JMJD1C: variants seen among roughly 807,000 people sequenced by gnomAD.
The protein encoded by JMJD1C is jumonji domain containing 1C.
Under a neutral mutation model 245.3 loss-of-function variants are expected in JMJD1C, and 31 were observed. The observed-to-expected ratio is 0.13, with a 90% CI of 0.09 to 0.17. The LOEUF is 0.17. Ranked by LOEUF, JMJD1C falls within the 10% of genes least tolerant of loss-of-function variation. The pLI is 1.00. For missense variants in JMJD1C, 2,691 were observed against 3,000.2 expected (o/e 0.90, Z 2.41); for synonymous variants, 1,057 against 1,017.4 (o/e 1.04, Z -0.74).
chr10:63,514,256 C>T (rs192959116), intron 1 of JMJD1C, among the ~76,000 whole-genome samples: 231 of 152,246 alleles, frequency 1.5e-3, no homozygotes, highest in Non-Finnish European at 1.0e-3. Context: ...AACTACCACT[C>T]GACCCAGCAA....
Position 63,268,484 on chromosome 10 carries a change from A to G in JMJD1C, c.334-3720T>C, listed in dbSNP as rs1047323289. Reference sequence around the variant, plus strand: ...TCGTTTTTTAACATTTACAGTTATTAAATTACTACAAACACAATAAACCTT... The same window carrying G: ...TCGTTTTTTAACATTTACAGTTATTGAATTACTACAAACACAATAAACCTT... On this transcript the variant is annotated intron_variant, in intron 2 of 25. Coordinates refer to ENST00000399262, the MANE Select transcript of JMJD1C (RefSeq NM_032776.3). Among the ~76,000 whole-genome samples, 10 of 152,332 alleles carry G rather than the reference A, an allele frequency of 6.6e-5. No individual in the cohort carries two copies. In the East Asian group the frequency reaches 1.5e-3, roughly 24 times the overall value.
rs1000625278 is a variant in JMJD1C, at chr10:63,202,886, T to A, written c.5075-2209A>T. On this transcript the variant is annotated intron_variant, in intron 10 of 25. Coordinates refer to ENST00000399262, the MANE Select transcript of JMJD1C (RefSeq NM_032776.3). ...CACTTGCTTCTAATCATCTATTTAC[T>A]TTTCAATTTATTACACTAGAATAAA... 1.1e-5 allele frequency: 11 copies of A among 977,834 alleles called. No homozygotes were observed. In the South Asian group the frequency reaches 5.2e-4, roughly 46 times the overall value. 60.6% of individuals were successfully genotyped at this position (977,834 alleles called of 1,614,324 possible).
chr10:63,201,892 T>C (rs564137831), intron 10 of JMJD1C, among the ~76,000 whole-genome samples: 12 of 149,160 alleles, frequency 8.0e-5, no homozygotes, highest in African/African-American at 2.7e-4. Context: ...ATTGCGCCAC[T>C]GCACTCCAGC....
At chr10:63,237,781 C>CT (rs1421746933) in intron 3 of JMJD1C, among the ~76,000 whole-genome samples, 1 of 152,012 alleles carries the variant, frequency 6.6e-6, no homozygotes, top group East Asian at 1.9e-4. Context: ...TGAGCACTTC[C>CT]TTTGAGTGTT....
chr10:63,213,636 A>C lies in JMJD1C; in HGVS notation c.2531T>G (p.Leu844Arg). Residue 844 changes from leucine (L) to arginine (R), a missense_variant, in exon 8 of 26, where the codon CTT becomes CGT. By Grantham distance (102) the Leu-to-Arg change is moderately radical. This residue lies in a region of JMJD1C where 1,562 missense variants were observed against 1,490.7 expected (regional missense o/e 1.05). Transcript: ENST00000399262. ...AGCAGAAGGATGGGCTTGTCCAAGA[A>C]GATGAGGTGACTGGTGCTGTAACAA... ...QQLLQHQSPH[L>R]LGQAHPSASY... is the part of the protein sequence containing the mutation. 6.2e-7 allele frequency: 1 copy of C among 1,614,236 alleles called. No individual in the cohort carries two copies. The highest frequency in any genetic ancestry group is 8.5e-7 in the Non-Finnish European group (1 of 1,180,016).
chr10:63,380,354 C>T lies in JMJD1C; in HGVS notation c.297G>A (p.Gln99=). 1.9e-6 allele frequency: 3 copies of T among 1,613,990 alleles called. No homozygotes were observed. The highest frequency in any genetic ancestry group is 1.7e-6 in the Non-Finnish European group (2 of 1,179,964). Residue 99 remains glutamine, a synonymous_variant, in exon 2 of 26, where the codon CAG becomes CAA. Coordinates refer to ENST00000399262, the MANE Select transcript of JMJD1C (RefSeq NM_032776.3). The stretch of plus-strand genomic sequence containing the variant: ...ACTGAATCTGTTTGCTCTTTGATCC[C>T]TGAGTCTGGCTAGGGTCATTCCTTT... ...WAKRNDPSQT[Q]GSKSKQIQWP...
intron 13 of JMJD1C, among the ~76,000 whole-genome samples, chr10:63,194,935 A>G (rs1845269267): frequency 1.3e-5 from 2 of 152,236 alleles, no homozygotes; most frequent in South Asian, 2.1e-4. Context: ...CATAACATAA[A>G]GAATAAAAGC....
In JMJD1C at chr10:63,197,566, G is replaced by A. The variant is rs1445453404; in HGVS notation, c.5492-3C>T. The A allele has an allele frequency of 6.7e-7, 1 of 1,489,572 alleles. No homozygotes were observed. Among genetic ancestry groups the A allele is most frequent in the Non-Finnish European group, 8.9e-7 (1 of 1,121,164 alleles). 92.3% of individuals were successfully genotyped at this position (1,489,572 alleles called of 1,614,324 possible). On this transcript the variant is annotated splice_polypyrimidine_tract_variant and splice_region_variant and intron_variant, in intron 12 of 25. Transcript: ENST00000399262. ...TGCTCTTTTCCAGGCAATTTTGGCT[G>A]AAATACAGAAAAAACAAAAATTTTA...
chr10:63,377,010 G>A (rs567973678), intron 2 of JMJD1C, among the ~76,000 whole-genome samples: 2 of 152,308 alleles, frequency 1.3e-5, no homozygotes, highest in East Asian at 3.9e-4. Flanking sequence ...GCCAAAAGCT[G>A]GAAGTGACAC....
At chr10:63,374,714 C>T (rs1197168325) in intron 2 of JMJD1C, among the ~76,000 whole-genome samples, 2 of 152,028 alleles carry the variant, frequency 1.3e-5, no homozygotes, top group Non-Finnish European at 2.9e-5. Flanking sequence ...GGAAATGGGT[C>T]ATTATAAGAT....
chr10:63,203,439 A>G, intron 10 of JMJD1C: 1 of 985,428 alleles, frequency 1.0e-6, no homozygotes, highest in Non-Finnish European at 1.2e-6. Context: ...AAAGTAAGAG[A>G]CAAATACTTG....
chr10:63,279,169 G>C (rs1214495187), intron 2 of JMJD1C, among the ~76,000 whole-genome samples: 1 of 152,042 alleles, frequency 6.6e-6, no homozygotes, highest in Non-Finnish European at 1.5e-5. Context: ...AGAATCGCTT[G>C]AACCCACGAG....
intron 2 of JMJD1C, chr10:63,301,731 C>T (rs747560042): frequency 1.1e-4 from 48 of 450,006 alleles, no homozygotes; most frequent in Middle Eastern, 6.3e-4. Flanking sequence ...ACCTTGATGA[C>T]GCAGCAAACC....
chr10:63,493,251 T>C (rs1315384614), intron 1 of JMJD1C, among the ~76,000 whole-genome samples: 1 of 60,098 alleles, frequency 1.7e-5, no homozygotes, highest in African/African-American at 5.9e-5. Flanking sequence ...TGTTATTTCT[T>C]TTTTTTTTTT....
At chr10:63,381,824 T>C (rs147988930) in intron 1 of JMJD1C, among the ~76,000 whole-genome samples, 14 of 152,310 alleles carry the variant, frequency 9.2e-5, no homozygotes, top group African/African-American at 3.4e-4. Context: ...AGAGTGTTGA[T>C]CAGTAAAGAT....
intron 3 of JMJD1C, among the ~76,000 whole-genome samples, chr10:63,255,224 C>A (rs753193969): frequency 6.6e-6 from 1 of 152,200 alleles, no homozygotes; most frequent in Non-Finnish European, 1.5e-5. Context: ...CTTTCTCTGC[C>A]TACCACAGAA....
rs184556239 is a variant in JMJD1C at position 63,204,404 on chromosome 10, G to C, written c.5074+2191C>G. 16 of 985,014 alleles carry C rather than the reference G, an allele frequency of 1.6e-5. No individual in the cohort carries two copies. The East Asian group carries it at 1.5e-3, about 91-fold the overall frequency. 61.0% of individuals were successfully genotyped at this position (985,014 alleles called of 1,614,324 possible). A position where few individuals can be genotyped will look rare whatever the true frequency, so the allele number is the denominator to read the frequency against. On this transcript the variant is annotated intron_variant, in intron 10 of 25. Transcript: ENST00000399262. ...ATGTATATTCGTCTCAAGATGAAAA[G>C]AGAATACGTATTTCACTAACACTTA...
chr10:63,322,155 C>G (rs1031125251), intron 2 of JMJD1C, among the ~76,000 whole-genome samples: 8 of 152,282 alleles, frequency 5.3e-5, no homozygotes, highest in Non-Finnish European at 1.2e-4. Flanking sequence ...TGTTTATTCT[C>G]TCTCATGTTG....
chr10:63,437,904 A>AT (rs2132897191), intron 1 of JMJD1C, among the ~76,000 whole-genome samples: 1 of 152,322 alleles, frequency 6.6e-6, no homozygotes, highest in African/African-American at 2.4e-5. Context: ...TCTGGATTTC[A>AT]TACCTCCCTG....
Sources: allele counts gnomAD v4.1 joint callset (sites outside exome capture counted in the v4.1 genomes callset), GRCh38; gene constraint gnomAD v4.1.1; regional missense constraint gnomAD v4.1.1; transcripts MANE v1.5; gene names NCBI Gene and HGNC (gene_info 2026-07-23, HGNC 2026-07-21).